NIPBL: variants seen among roughly 807,000 people sequenced by gnomAD.
NIPBL encodes NIPBL cohesin loading factor.
A neutral mutation model predicts 321.8 loss-of-function variants in NIPBL; 19 were observed. That is an observed-to-expected ratio of 0.06 (90% CI 0.04 to 0.09). NIPBL has a LOEUF of 0.09. NIPBL is among the 10% of genes least tolerant of loss of function. The pLI, the probability that NIPBL is intolerant of heterozygous loss-of-function variation, is 1.00. For synonymous variants in NIPBL, 1,106 were observed against 1,114.1 expected (o/e 0.99, Z 0.14); for missense variants, 2,210 against 3,327.0 (o/e 0.66, Z 8.26).
chr5:36,970,273 C>T (rs1350544742), intron 6 of NIPBL, among the ~76,000 whole-genome samples: 1 of 151,722 alleles, frequency 6.6e-6, no homozygotes, highest in Admixed American at 6.6e-5. Flanking sequence ...GTAGTCCTAG[C>T]TACTCAGAAG....
Position 37,065,336 on chromosome 5 carries a change from T to G in NIPBL, c.*444T>G. The G allele has an allele frequency of 5.6e-6, 1 of 177,334 alleles. No homozygotes were observed. The highest frequency in any genetic ancestry group is 1.2e-5 in the Non-Finnish European group (1 of 84,224). 11.0% of individuals were successfully genotyped at this position (177,334 alleles called of 1,614,324 possible). A position where few individuals can be genotyped will look rare whatever the true frequency, so the allele number is the denominator to read the frequency against. ...AATCTCCTGGATATATAATTTATTCTGTTGAAAAAAAAAAAAGCATGCAGT... is the reference window on the plus strand; with the variant it reads ...AATCTCCTGGATATATAATTTATTCGGTTGAAAAAAAAAAAAGCATGCAGT... On this transcript the variant is annotated 3_prime_UTR_variant, in exon 47 of 47. Transcript: ENST00000282516.
chr5:36,894,646 T>TC (rs1442637831), intron 1 of NIPBL, among the ~76,000 whole-genome samples: 2 of 152,102 alleles, frequency 1.3e-5, no homozygotes, highest in Non-Finnish European at 1.5e-5. Context: ...TATGTTTTTT[T>TC]CCCCCCACTG....
chr5:36,917,961 G>GC (rs1748604804), intron 1 of NIPBL, among the ~76,000 whole-genome samples: 1 of 152,062 alleles, frequency 6.6e-6, no homozygotes, highest in South Asian at 2.1e-4. Flanking sequence ...GTAGCATGAT[G>GC]CCTCCAGCTT....
intron 1 of NIPBL, among the ~76,000 whole-genome samples, chr5:36,934,914 C>G (rs1750043176): frequency 6.6e-6 from 1 of 152,036 alleles, no homozygotes; most frequent in Non-Finnish European, 1.5e-5. Context: ...TCACAGAAAC[C>G]AAAGAATGAG....
intron 1 of NIPBL, among the ~76,000 whole-genome samples, chr5:36,937,326 C>G (rs1029538819): frequency 4.6e-5 from 7 of 152,130 alleles, no homozygotes; most frequent in African/African-American, 1.7e-4. Flanking sequence ...TGACCTTCAG[C>G]CATATACTCT....
intron 1 of NIPBL, among the ~76,000 whole-genome samples, chr5:36,914,325 AT>A (rs1380092057): frequency 6.6e-6 from 1 of 152,230 alleles, no homozygotes; most frequent in Non-Finnish European, 1.5e-5. Context: ...CCTATGGATA[AT>A]GGCCATTGTT....
At chr5:36,987,316 G>C (rs141339925) in intron 10 of NIPBL, among the ~76,000 whole-genome samples, 17 of 152,114 alleles carry the variant, frequency 1.1e-4, no homozygotes, top group African/African-American at 3.6e-4. Context: ...GAATTGCATT[G>C]GCCAAGAGGG....
intron 19 of NIPBL, 78 bp downstream of exon 19, chr5:37,008,166 AAAT>A (rs1456426216): frequency 9.4e-6 from 9 of 957,054 alleles, no homozygotes; most frequent in Non-Finnish European, 1.5e-5. Context: ...AATTTCCAAA[AAAT>A]AATGAAGATA....
chr5:36,927,973 T>C (rs1205905443), intron 1 of NIPBL, among the ~76,000 whole-genome samples: 1 of 151,830 alleles, frequency 6.6e-6, no homozygotes, highest in Non-Finnish European at 1.5e-5. Flanking sequence ...TGAGCCACCA[T>C]GCCCGGCTGC....
chr5:37,024,568 TA>T lies in NIPBL; in HGVS notation c.5575-16del. The T allele has an allele frequency of 6.3e-7, 1 of 1,593,020 alleles. No individual in the cohort carries two copies. The highest frequency in any genetic ancestry group is 1.7e-5 in the Admixed American group (1 of 59,434). On this transcript the variant is annotated splice_polypyrimidine_tract_variant and intron_variant, in intron 29 of 46. Transcript: ENST00000282516. Reference sequence around the variant, plus strand: ...TCTCAATTTTTCTGACTCTTAAAAATACCTTTCTGTTTTTAGGATACTGGTA... The same window carrying T: ...TCTCAATTTTTCTGACTCTTAAAAATCCTTTCTGTTTTTAGGATACTGGTA...
chr5:37,051,588 C>G, intron 40 of NIPBL, 191 bp from the exon 41 acceptor site: 1 of 603,306 alleles, frequency 1.7e-6, no homozygotes, highest in Non-Finnish European at 3.0e-6. Context: ...TGCTGGTGCT[C>G]CAGTGCTTTC....
chr5:36,952,498 C>T (rs546236074), intron 1 of NIPBL, among the ~76,000 whole-genome samples: 1 of 152,134 alleles, frequency 6.6e-6, no homozygotes, highest in South Asian at 2.1e-4. Context: ...ATATTATCTA[C>T]TTACAAAAAA....
chr5:37,007,402 A>C lies in NIPBL; in HGVS notation c.4167A>C (p.Lys1389Asn). 6.2e-7 allele frequency: 1 copy of C among 1,610,228 alleles called. No homozygotes were observed. The highest frequency in any genetic ancestry group is 8.5e-7 in the Non-Finnish European group (1 of 1,176,914). ...GAGTAATAGTAATGCTTTATAACAA[A>C]GTTTGTGACATTGTTAGCAGCTTAT... ...KQRVIVMLYNKVCDIVSSLSE... is the reference protein window; with the variant it reads ...KQRVIVMLYNNVCDIVSSLSE... The change falls in exon 18 of 47, where the codon AAA becomes AAC. Residue 1389 changes from lysine (K) to asparagine (N), a missense_variant. Lys to Asn is a moderately conservative substitution (Grantham distance 94). Transcript: ENST00000282516.
intron 21 of NIPBL, among the ~76,000 whole-genome samples, chr5:37,012,422 GT>G (rs1003850866): frequency 5.1e-4 from 68 of 132,316 alleles, no homozygotes; most frequent in African/African-American, 1.9e-3. Flanking sequence ...GGTGGAGAGA[GT>G]TTTCATATAT....
rs1554019650 is a variant in NIPBL, at chr5:36,995,600, TAAA to T, written c.3122-21_3122-19del. 6.4e-6 allele frequency: 10 copies of T among 1,554,972 alleles called. No individual in the cohort carries two copies. Among genetic ancestry groups the T allele is most frequent in the Admixed American group, 1.7e-5 (1 of 58,174 alleles). On this transcript the variant is annotated intron_variant, in intron 10 of 46. Coordinates refer to ENST00000282516, the MANE Select transcript of NIPBL (RefSeq NM_133433.4). ...TATCTTCAGATTTACATTTTTTTTT[TAAA>T]TTTACCTTTCATTAATAGGTAGTAT...
At position 37,065,912 on chromosome 5, in the gene NIPBL, CCAG is replaced by C. The variant is rs910525636; in HGVS notation, c.*1023_*1025del. On this transcript the variant is annotated 3_prime_UTR_variant, in exon 47 of 47. Transcript: ENST00000282516. ...TAAAGGTAACCTGTTATTTGGAAAA[CCAG>C]CATTTCTCTTGGTTAAAATGATGTC... 6.6e-6 allele frequency: 1 copy of C among 152,440 alleles called. No homozygotes were observed. Among genetic ancestry groups the C allele is most frequent in the Non-Finnish European group, 1.5e-5 (1 of 67,986 alleles). The allele number at this position is 152,440 out of a possible 1,614,324, so 9.4% of individuals were successfully genotyped here. A position where few individuals can be genotyped will look rare whatever the true frequency, so the allele number is the denominator to read the frequency against.
At chr5:37,001,137 G>A in intron 14 of NIPBL, 59 bp downstream of exon 14, 1 of 1,130,886 alleles carries the variant, frequency 8.8e-7, no homozygotes, top group Non-Finnish European at 1.3e-6. Context: ...GTATCCTCTA[G>A]AGTAACTCAG....
intron 1 of NIPBL, 84 bp from the exon 2 acceptor site, chr5:36,953,534 T>A (rs527556001): frequency 3.0e-6 from 2 of 661,014 alleles, no homozygotes; most frequent in South Asian, 3.6e-5. Flanking sequence ...AGCAGTAACT[T>A]TTTTTTATAG....
intron 9 of NIPBL, among the ~76,000 whole-genome samples, chr5:36,978,646 T>TCATAA (rs942977280): frequency 3.3e-5 from 5 of 151,938 alleles, no homozygotes; most frequent in Non-Finnish European, 1.5e-5. Flanking sequence ...TAGGTCTTAG[T>TCATAA]CATAAATTCT....
Sources: allele counts gnomAD v4.1 joint callset (sites outside exome capture counted in the v4.1 genomes callset), GRCh38; gene constraint gnomAD v4.1.1; transcripts MANE v1.5; gene names NCBI Gene and HGNC (gene_info 2026-07-23, HGNC 2026-07-21).